The following BAD variants were observed in gnomAD, a reference collection of about 807,000 sequenced individuals.
BAD encodes BCL2 associated agonist of cell death.
In BAD, 18 loss-of-function variants were observed where a neutral mutation model predicts 17.8. The observed-to-expected ratio is 1.01, with a 90% CI of 0.70 to 1.50. The LOEUF (loss-of-function observed/expected upper bound fraction) is 1.50. Ranked by LOEUF, BAD falls within the 40% of genes most tolerant of loss-of-function variation. The pLI is 0.00. For synonymous variants in BAD, 112 were observed against 91.5 expected, an observed-to-expected ratio of 1.22 and a Z score of -1.28; for missense variants, 294 against 239.3, an observed-to-expected ratio of 1.23 and a Z score of -1.51.
rs959001896 is a variant in BAD at position 64,271,638 on chromosome 11, C to T, written c.353G>A (p.Ser118Asn). Residue 118 changes from serine (S) to asparagine (N), a missense_variant, in exon 3 of 4, where the codon AGT becomes AAT. Ser to Asn is a conservative substitution (Grantham distance 46, BLOSUM62 1). Transcript: ENST00000309032. The stretch of plus-strand genomic sequence containing the variant: ...CTTAAAGGAGTCCACAAACTCGTCA[C>T]TCATCCTCCGGAGCTCGCGGCCATA... ...QRYGRELRRM[S>N]DEFVDSFKKG... The T allele has an allele frequency of 2.0e-6, 3 of 1,502,956 alleles. No individual in the cohort carries two copies. Among genetic ancestry groups the T allele is most frequent in the African/African-American group, 1.4e-5 (1 of 69,850 alleles). 93.1% of individuals were successfully genotyped at this position (1,502,956 alleles called of 1,614,324 possible). A position where few individuals can be genotyped will look rare whatever the true frequency, so the allele number is the denominator to read the frequency against.
intron 3 of BAD, 105 bp downstream of exon 3, chr11:64,271,508 G>T: frequency 8.3e-7 from 1 of 1,204,698 alleles, no homozygotes; most frequent in Non-Finnish European, 1.1e-6. Flanking sequence ...TTGGGGAGGG[G>T]TCGTGGGACT....
chr11:64,272,443 G>A (rs1370266712), intron 2 of BAD, among the ~76,000 whole-genome samples: 1 of 152,198 alleles, frequency 6.6e-6, no homozygotes, highest in Non-Finnish European at 1.5e-5. Context: ...CCCTTGGATA[G>A]GAAAGTGTCC....
rs1189117532 is a variant in BAD at position 64,270,171 on chromosome 11, A to C, written c.*38T>G. On this transcript the variant is annotated 3_prime_UTR_variant, in exon 4 of 4. Coordinates refer to ENST00000309032, the MANE Select transcript of BAD (RefSeq NM_032989.3). ...CATATTCAAGATGGCTGCCCAGGGC[A>C]GTGGGAACGGGTGGAGTTTCGGGAT... The C allele has an allele frequency of 1.2e-6, 2 of 1,613,908 alleles. No homozygotes were observed. The highest frequency in any genetic ancestry group is 1.7e-6 in the Non-Finnish European group (2 of 1,179,934).
intron 2 of BAD, among the ~76,000 whole-genome samples, chr11:64,280,881 T>G (rs1444341811): frequency 6.6e-6 from 1 of 151,150 alleles, no homozygotes; most frequent in East Asian, 2.0e-4. Flanking sequence ...TTGGCCAGGC[T>G]GTTCTTGAAC....
At chr11:64,280,512 C>T (rs1272298852) in intron 2 of BAD, among the ~76,000 whole-genome samples, 4 of 148,326 alleles carry the variant, frequency 2.7e-5, no homozygotes, top group African/African-American at 4.9e-5. Flanking sequence ...CCACCACGCC[C>T]GGCTAATTTT....
intron 2 of BAD, chr11:64,272,641 A>C (rs1845614326): frequency 6.6e-6 from 1 of 152,196 alleles, no homozygotes; most frequent in African/African-American, 2.4e-5. Flanking sequence ...TTCCCTTATT[A>C]TCCTCCTAAC....
chr11:64,279,816 C>T, intron 2 of BAD, among the ~76,000 whole-genome samples: 1 of 151,686 alleles, frequency 6.6e-6, no homozygotes, highest in East Asian at 1.9e-4. Context: ...AGGGTAGCCT[C>T]CAGATCCTCC....
rs1418489315 is a variant in BAD, at chr11:64,270,110, C to A, written c.*99G>T. 4 of 1,573,836 alleles carry A rather than the reference C, an allele frequency of 2.5e-6. No homozygotes were observed. Among genetic ancestry groups the A allele is most frequent in the Non-Finnish European group, 3.5e-6 (4 of 1,152,786 alleles). ...CCCTCCAAAGGAGACAGCACGGATC[C>A]TCTTTTTGCATAGGCCTGAGGGAAG... is the stretch of plus-strand genomic sequence containing the variant. On this transcript the variant is annotated 3_prime_UTR_variant, in exon 4 of 4. Transcript: ENST00000309032.
chr11:64,273,107 G>A (rs1041624495), intron 2 of BAD, among the ~76,000 whole-genome samples: 1 of 152,222 alleles, frequency 6.6e-6, no homozygotes, highest in African/African-American at 2.4e-5. Flanking sequence ...GGTGGCTCAC[G>A]CCAGTAATCC....
rs1445965337 is a variant in BAD at position 64,284,320 on chromosome 11, A to G, written c.49T>C (p.Ser17Pro). 6.2e-7 allele frequency: 1 copy of G among 1,612,692 alleles called. No homozygotes were observed. Among genetic ancestry groups the G allele is most frequent in the East Asian group, 2.2e-5 (1 of 44,868 alleles). Residue 17 changes from serine (S) to proline (P), a missense_variant, in exon 2 of 4, where the codon TCT becomes CCT. By Grantham distance (74) the Ser-to-Pro change is moderately conservative. Coordinates refer to ENST00000309032, the MANE Select transcript of BAD (RefSeq NM_032989.3). ...FEPSEQEDSSSAERGLGPSPA... is the reference protein window; with the variant it reads ...FEPSEQEDSSPAERGLGPSPA... ...CTGGGGCCCAGGCCCCTCTCTGCAG[A>G]GCTGGAGTCTTCCTGCTCACTCGGC...
chr11:64,273,879 A>AT (rs386373987), intron 2 of BAD, among the ~76,000 whole-genome samples: 4 of 151,006 alleles, frequency 2.6e-5, no homozygotes, highest in Non-Finnish European at 4.4e-5. Flanking sequence ...AAAAAAAAAA[A>AT]AGAGAGGCAG....
Position 64,270,206 on chromosome 11 carries a change from A to G in BAD, c.*3T>C. 6.2e-7 allele frequency: 1 copy of G among 1,613,858 alleles called. No homozygotes were observed. The highest frequency in any genetic ancestry group is 8.5e-7 in the Non-Finnish European group (1 of 1,179,878). On this transcript the variant is annotated 3_prime_UTR_variant, in exon 4 of 4. Transcript: ENST00000309032. ...GGTGGAGTTTCGGGATGTGGAGCGAAGGTCACTGGGAGGGGGCGGAGCTTC... is the reference window on the plus strand; with the variant it reads ...GGTGGAGTTTCGGGATGTGGAGCGAGGGTCACTGGGAGGGGGCGGAGCTTC...
chr11:64,282,783 G>A (rs2033564186), intron 2 of BAD, among the ~76,000 whole-genome samples: 1 of 151,766 alleles, frequency 6.6e-6, no homozygotes, highest in Non-Finnish European at 1.5e-5. Context: ...GGAGGCTGAG[G>A]CAGGAGAACT....
chr11:64,270,594 C>T, intron 3 of BAD: 1 of 689,262 alleles, frequency 1.5e-6, no homozygotes, highest in Middle Eastern at 2.3e-4. Context: ...AATGGAAAGG[C>T]CAGAGCTGGA....
chr11:64,284,466 C>T, intron 1 of BAD, 90 bp from the exon 2 acceptor site: 1 of 1,596,396 alleles, frequency 6.3e-7, no homozygotes, highest in Non-Finnish European at 8.5e-7. Context: ...GCTTCCTCTC[C>T]CACCGTAGCG....
At position 64,270,174 on chromosome 11, in the gene BAD, G is replaced by A. The variant is rs1159238518; in HGVS notation, c.*35C>T. 3.7e-6 allele frequency: 6 copies of A among 1,613,962 alleles called. No individual in the cohort carries two copies. In the Admixed American group the frequency reaches 1.0e-4, roughly 27 times the overall value. ...ATTCAAGATGGCTGCCCAGGGCAGT[G>A]GGAACGGGTGGAGTTTCGGGATGTG... On this transcript the variant is annotated 3_prime_UTR_variant, in exon 4 of 4. Transcript: ENST00000309032.
At chr11:64,278,080 G>A (rs1468465167) in intron 2 of BAD, among the ~76,000 whole-genome samples, 1 of 152,090 alleles carries the variant, frequency 6.6e-6, no homozygotes, top group Non-Finnish European at 1.5e-5. Flanking sequence ...TTGAGGCCAG[G>A]AGTTCGAGAC....
At position 64,271,643 on chromosome 11, in the gene BAD, C is replaced by T. The variant is rs752601428; in HGVS notation, c.348G>A (p.Arg116=). 6.0e-6 allele frequency: 9 copies of T among 1,503,988 alleles called. No homozygotes were observed. Among genetic ancestry groups the T allele is most frequent in the Non-Finnish European group, 8.0e-6 (9 of 1,125,938 alleles). 93.2% of individuals were successfully genotyped at this position (1,503,988 alleles called of 1,614,324 possible). A position where few individuals can be genotyped will look rare whatever the true frequency, so the allele number is the denominator to read the frequency against. ...AAQRYGRELR[R]MSDEFVDSFK... ...AGGAGTCCACAAACTCGTCACTCAT[C>T]CTCCGGAGCTCGCGGCCATAGCGCT... The change falls in exon 3 of 4, where the codon AGG becomes AGA. Residue 116 remains arginine (R), a synonymous_variant. Transcript: ENST00000309032.
At chr11:64,282,052 A>G (rs1020343057) in intron 2 of BAD, among the ~76,000 whole-genome samples, 21 of 152,204 alleles carry the variant, frequency 1.4e-4, no homozygotes, top group Admixed American at 9.2e-4. Context: ...CCCCCATACA[A>G]ATCTTCTCAC....
Sources: gnomAD v4.1 joint callset for allele counts (sites outside exome capture counted in the v4.1 genomes callset) on GRCh38, gnomAD v4.1.1 for gene constraint, MANE v1.5 for transcripts, NCBI Gene and HGNC (gene_info 2026-07-23, HGNC 2026-07-21) for gene names.